The following TACC1 variants were observed in gnomAD, a reference collection of about 807,000 sequenced individuals.
TACC1 encodes the protein transforming acidic coiled-coil-containing protein 1.
Under a neutral mutation model 84.4 loss-of-function variants are expected in TACC1, and 48 were observed. That is an observed-to-expected ratio of 0.57 (90% CI 0.45 to 0.72). TACC1 has a LOEUF of 0.72. Ranked by LOEUF, TACC1 falls within the 30% of genes least tolerant of loss-of-function variation. The pLI, the probability that TACC1 is intolerant of heterozygous loss-of-function variation, is 0.00. For missense variants in TACC1, 920 were observed against 973.0 expected, an observed-to-expected ratio of 0.95 and a Z score of 0.72; for synonymous variants, 372 against 376.3, an observed-to-expected ratio of 0.99 and a Z score of 0.13.
intron 3 of TACC1, among the ~76,000 whole-genome samples, chr8:38,751,121 G>T (rs560311994): frequency 6.6e-6 from 1 of 152,072 alleles, no homozygotes; most frequent in Admixed American, 6.5e-5. Flanking sequence ...GGAGAGATGG[G>T]TAGCTCTGAG....
chr8:38,757,216 C>A, intron 3 of TACC1: 1 of 254,332 alleles, frequency 3.9e-6, no homozygotes, highest in Non-Finnish European at 7.8e-6. Context: ...GGCGCCCCAC[C>A]CCGCCCTCCC....
intron 9 of TACC1, among the ~76,000 whole-genome samples, chr8:38,841,137 A>C (rs1250073281): frequency 6.6e-6 from 1 of 152,248 alleles, no homozygotes; most frequent in Non-Finnish European, 1.5e-5. Flanking sequence ...TTGATTGATC[A>C]GTATATAACC....
At chr8:38,787,817 G>A (rs1817640248) in intron 1 of TACC1, 74 bp downstream of exon 1, 2 of 1,345,252 alleles carry the variant, frequency 1.5e-6, no homozygotes, top group Admixed American at 3.3e-5. Context: ...CTGTGTGCGT[G>A]TGTGTGGTCG....
intron 3 of TACC1, among the ~76,000 whole-genome samples, chr8:38,752,348 G>A (rs1394065197): frequency 1.3e-5 from 2 of 152,080 alleles, no homozygotes; most frequent in Admixed American, 1.3e-4. Context: ...GCGTGTGCCT[G>A]TAGTCGCAGC....
chr8:38,757,360 AGGGGCCGGGAACCCGCC>A, intron 3 of TACC1: 1 of 1,264,862 alleles, frequency 7.9e-7, no homozygotes, highest in Non-Finnish European at 1.0e-6. Context: ...TCAGACCCCG[AGGGGCCGGGAACCCGCC>A]GGGGAGAGGC....
intron 2 of TACC1, among the ~76,000 whole-genome samples, chr8:38,798,411 G>T (rs1820494092): frequency 6.6e-6 from 1 of 152,108 alleles, no homozygotes; most frequent in East Asian, 1.9e-4. Flanking sequence ...TTTACCTGTA[G>T]AGTCTTAGGT....
Position 38,848,002 on chromosome 8 carries a change from A to G in TACC1, c.2397A>G (p.Ala799=). 6.2e-7 allele frequency: 1 copy of G among 1,614,018 alleles called. No individual in the cohort carries two copies. The highest frequency in any genetic ancestry group is 2.2e-5 in the East Asian group (1 of 44,876). The change falls in exon 13 of 13, where the codon GCA becomes GCG. Residue 799 remains alanine (A), a synonymous_variant. Transcript: ENST00000317827. ...CAAAAATCTGTGATGAGCTGATTGC[A>G]AAGCTGGGAAAGACTGACTGAGACA... ...ELTKICDELI[A]KLGKTD
At chr8:38,813,469 A>C (rs1824713456) in intron 2 of TACC1, among the ~76,000 whole-genome samples, 1 of 152,210 alleles carries the variant, frequency 6.6e-6, no homozygotes, top group Admixed American at 6.5e-5. Context: ...TGCCTAGTCC[A>C]TCCAAACCCT....
intron 3 of TACC1, among the ~76,000 whole-genome samples, chr8:38,761,611 A>G (rs1257338776): frequency 1.3e-5 from 2 of 152,260 alleles, no homozygotes; most frequent in Non-Finnish European, 2.9e-5. Flanking sequence ...TTTAGACACA[A>G]GAAAACATGA....
chr8:38,740,642 C>A (rs191123775), intron 1 of TACC1, among the ~76,000 whole-genome samples: 183 of 152,346 alleles, frequency 1.2e-3, no homozygotes, highest in African/African-American at 4.3e-3. Flanking sequence ...TGAAATGTCT[C>A]CTCCCTGTGG....
rs1832671649 is a variant in TACC1 at position 38,848,285 on chromosome 8, G to T, written c.*262G>T. 6.1e-6 allele frequency: 2 copies of T among 328,330 alleles called. No individual in the cohort carries two copies. The allele number at this position is 328,330 out of a possible 1,614,324, so 20.3% of individuals were successfully genotyped here. ...TTTCCCCCTATGAAGGTTCCCTTAG[G>T]CTGCTGAGTTTGGGTTTGTGATTTA... On this transcript the variant is annotated 3_prime_UTR_variant, in exon 13 of 13. Coordinates refer to ENST00000317827, the MANE Select transcript of TACC1 (RefSeq NM_006283.3).
intron 2 of TACC1, chr8:38,744,880 T>C (rs1807776143): frequency 6.6e-6 from 1 of 152,234 alleles, no homozygotes; most frequent in Admixed American, 6.5e-5. Context: ...CTGGGTATTA[T>C]GACCATTCCT....
intron 1 of TACC1, among the ~76,000 whole-genome samples, chr8:38,739,148 T>C (rs1806582375): frequency 6.6e-6 from 1 of 152,106 alleles, no homozygotes; most frequent in Non-Finnish European, 1.5e-5. Context: ...CTTATGCTCC[T>C]GAAGTGCATG....
Position 38,810,509 on chromosome 8 carries a change from C to G in TACC1, c.278-9013C>G, listed in dbSNP as rs150843909. Among the ~76,000 whole-genome samples, 561 of 152,116 alleles carry G rather than the reference C, an allele frequency of 3.7e-3. 4 individuals carry two copies. Among genetic ancestry groups the G allele is most frequent in the African/African-American group, 0.012 (514 of 41,484 alleles). On this transcript the variant is annotated intron_variant, in intron 2 of 12. Coordinates refer to ENST00000317827, the MANE Select transcript of TACC1 (RefSeq NM_006283.3). ...GTCTCAGTTTCTCAGGAGGGTGAGG[C>G]AGGAGGATTGTCTGAGCATAGGAGG...
rs761947890 is a variant in TACC1 at position 38,820,164 on chromosome 8, T to C, written c.920T>C (p.Val307Ala). The C allele has an allele frequency of 9.9e-6, 16 of 1,613,920 alleles. No homozygotes were observed. Among genetic ancestry groups the C allele is most frequent in the Non-Finnish European group, 1.3e-5 (15 of 1,179,988 alleles). ...AGTAGTGACACCAACGACTCAGGGGTTGAGCTGGGGGAGGAGTCGAGGAGC... is the reference window on the plus strand; with the variant it reads ...AGTAGTGACACCAACGACTCAGGGGCTGAGCTGGGGGAGGAGTCGAGGAGC... The part of the protein sequence containing the change: ...TLSSDTNDSG[V>A]ELGEESRSSP... Residue 307 changes from valine to alanine, a missense_variant, in exon 3 of 13, where the codon GTT becomes GCT. This residue lies in a region of TACC1 where 762 missense variants were observed against 747.3 expected (regional missense o/e 1.02). Coordinates refer to ENST00000317827, the MANE Select transcript of TACC1 (RefSeq NM_006283.3).
chr8:38,771,889 G>A (rs930207539), intron 3 of TACC1, among the ~76,000 whole-genome samples: 4 of 152,078 alleles, frequency 2.6e-5, no homozygotes, highest in Non-Finnish European at 4.4e-5. Context: ...ACAATCACAC[G>A]CCACCATGCC....
intron 3 of TACC1, chr8:38,745,542 T>G: frequency 1.5e-6 from 1 of 672,740 alleles, no homozygotes; most frequent in Non-Finnish European, 2.7e-6. Context: ...TTTGTTTGTT[T>G]GTTTTTGTTT....
intron 3 of TACC1, among the ~76,000 whole-genome samples, chr8:38,772,302 G>C (rs1309640669): frequency 6.6e-6 from 1 of 152,190 alleles, no homozygotes; most frequent in South Asian, 2.1e-4. Flanking sequence ...TTGGCTATGT[G>C]TATCAAAATA....
chr8:38,812,582 T>C (rs1824471144), intron 2 of TACC1, among the ~76,000 whole-genome samples: 1 of 152,202 alleles, frequency 6.6e-6, no homozygotes, highest in Non-Finnish European at 1.5e-5. Flanking sequence ...ACATGTTCCA[T>C]TTTTACACTC....
Sources: allele counts gnomAD v4.1 joint callset (sites outside exome capture counted in the v4.1 genomes callset), GRCh38; gene constraint gnomAD v4.1.1; regional missense constraint gnomAD v4.1.1; transcripts MANE v1.5; gene names NCBI Gene and HGNC (gene_info 2026-07-23, HGNC 2026-07-21).